The following DPP6 variants were observed in gnomAD, a reference collection of about 807,000 sequenced individuals.
DPP6 encodes dipeptidyl peptidase like 6.
A neutral mutation model predicts 122.6 loss-of-function variants in DPP6; 69 were observed. That is an observed-to-expected ratio of 0.56 (90% CI 0.46 to 0.69). DPP6 has a LOEUF of 0.69. Ranked by LOEUF, DPP6 falls within the 30% of genes least tolerant of loss-of-function variation. The pLI, the probability that DPP6 is intolerant of heterozygous loss-of-function variation, is 0.00. For missense variants in DPP6, 928 were observed against 1,116.9 expected (o/e 0.83, Z 2.41); for synonymous variants, 418 against 433.1 (o/e 0.97, Z 0.43).
At chr7:154,596,340 A>C (rs1833089081) in intron 5 of DPP6, among the ~76,000 whole-genome samples, 1 of 152,162 alleles carries the variant, frequency 6.6e-6, no homozygotes, top group Non-Finnish European at 1.5e-5. Flanking sequence ...GGGGGCTCTG[A>C]GGGATGGAGA....
At chr7:154,621,585 T>G (rs1834671766) in intron 5 of DPP6, among the ~76,000 whole-genome samples, 1 of 152,198 alleles carries the variant, frequency 6.6e-6, no homozygotes, top group South Asian at 2.1e-4. Context: ...CAGGCTGGTC[T>G]TGAACCCCTG....
At chr7:154,719,546 A>G (rs1019120688) in intron 7 of DPP6, among the ~76,000 whole-genome samples, 1 of 151,982 alleles carries the variant, frequency 6.6e-6, no homozygotes, top group African/African-American at 2.4e-5. Context: ...CATGTGACTC[A>G]CTCTGCTGAG....
At chr7:154,879,632 A>G (rs1025319719) in intron 20 of DPP6, among the ~76,000 whole-genome samples, 4 of 151,326 alleles carry the variant, frequency 2.6e-5, no homozygotes, top group Admixed American at 6.6e-5. Context: ...GCCAGGTGTA[A>G]TCCCAGCTAC....
intron 1 of DPP6, chr7:154,058,503 C>T (rs1435922700): frequency 1.5e-5 from 2 of 130,460 alleles, no homozygotes; most frequent in African/African-American, 3.0e-5. Context: ...CTCCGCGAGG[C>T]AGGGACTGAG....
intron 1 of DPP6, among the ~76,000 whole-genome samples, chr7:154,031,334 C>G (rs1799217792): frequency 6.7e-6 from 1 of 149,218 alleles, no homozygotes; most frequent in Non-Finnish European, 1.5e-5. Context: ...ATCTCAGACT[C>G]TAAAGCAAGG....
At chr7:154,267,035 A>G (rs1379008258) in intron 1 of DPP6, among the ~76,000 whole-genome samples, 1 of 152,114 alleles carries the variant, frequency 6.6e-6, no homozygotes, top group Non-Finnish European at 1.5e-5. Context: ...TTTCTTTTAT[A>G]TACTTAAACC....
In DPP6 at chr7:154,542,146, G is replaced by A. The variant is rs555202048; in HGVS notation, c.552+1520G>A. ...ACTGCAGGCGTAAGGGAGGCCTCACGCTGTTGGATGATGGCATAGTTCCAA... is the reference window on the plus strand; with the variant it reads ...ACTGCAGGCGTAAGGGAGGCCTCACACTGTTGGATGATGGCATAGTTCCAA... On this transcript the variant is annotated intron_variant, in intron 4 of 25. Transcript: ENST00000377770. Among the ~76,000 whole-genome samples the A allele has an allele frequency of 5.3e-5, 8 of 152,238 alleles. 1 individual carries two copies. In the South Asian group the frequency reaches 1.0e-3, roughly 20 times the overall value.
chr7:154,330,967 A>G (rs12531152), intron 1 of DPP6, among the ~76,000 whole-genome samples: 100,875 of 152,052 alleles, frequency 0.66, 33,545 homozygotes, highest in East Asian at 0.75. Context: ...CCCTCAAGAC[A>G]ATGAGAAGCT....
At chr7:153,947,531 TTAA>T (rs1255016142) in intron 1 of DPP6, among the ~76,000 whole-genome samples, 5 of 152,178 alleles carry the variant, frequency 3.3e-5, no homozygotes, top group Admixed American at 1.3e-4. Flanking sequence ...ACAGATTTAC[TTAA>T]TAAGTCCCAT....
intron 1 of DPP6, among the ~76,000 whole-genome samples, chr7:154,181,046 T>A (rs1465992903): frequency 6.6e-6 from 1 of 152,188 alleles, no homozygotes; most frequent in Non-Finnish European, 1.5e-5. Flanking sequence ...CCTGTAGCTA[T>A]CTGTGTTGCT....
In DPP6 at chr7:154,727,883, T is replaced by C. The variant is rs751472318; in HGVS notation, c.879T>C (p.Tyr293=). 5.0e-5 allele frequency: 80 copies of C among 1,611,868 alleles called. No homozygotes were observed. Among genetic ancestry groups the C allele is most frequent in the Non-Finnish European group, 6.8e-5 (80 of 1,179,020 alleles). Reference sequence around the variant, plus strand: ...ACAATGGCCTCAGTGACTGGCTGTATGAAGGTAAGATGTGCACAGAGAGAA... The same window carrying C: ...ACAATGGCCTCAGTGACTGGCTGTACGAAGGTAAGATGTGCACAGAGAGAA... ...VIYNGLSDWL[Y]EEEILKTHIA... is the part of the protein sequence containing the mutation. Residue 293 remains tyrosine (Y), a synonymous_variant, in exon 8 of 26, where the codon TAT becomes TAC. Coordinates refer to ENST00000377770, the MANE Select transcript of DPP6 (RefSeq NM_130797.4).
At chr7:154,463,291 T>C (rs1395959069) in intron 2 of DPP6, among the ~76,000 whole-genome samples, 6 of 136,330 alleles carry the variant, frequency 4.4e-5, no homozygotes, top group Non-Finnish European at 7.7e-5. Flanking sequence ...CACTGCAAGC[T>C]CCGCCTCCCG....
intron 1 of DPP6, among the ~76,000 whole-genome samples, chr7:154,045,064 A>G (rs535520701): frequency 6.6e-6 from 1 of 152,248 alleles, no homozygotes; most frequent in South Asian, 2.1e-4. Flanking sequence ...TGCTTTGACA[A>G]TTCCCTTTTG....
chr7:154,473,159 A>C (rs1263799179), intron 2 of DPP6, among the ~76,000 whole-genome samples: 1 of 152,202 alleles, frequency 6.6e-6, no homozygotes, highest in African/African-American at 2.4e-5. Flanking sequence ...ATGTCTCAGG[A>C]AGTTTTAGAC....
chr7:154,263,961 A>T (rs1270700858), intron 1 of DPP6, among the ~76,000 whole-genome samples: 1 of 152,112 alleles, frequency 6.6e-6, no homozygotes, highest in Non-Finnish European at 1.5e-5. Context: ...AAAGTGCTGA[A>T]ATTATAGGCG....
chr7:154,577,785 C>G (rs902157061), intron 5 of DPP6, among the ~76,000 whole-genome samples: 18 of 152,296 alleles, frequency 1.2e-4, no homozygotes, highest in African/African-American at 4.1e-4. Flanking sequence ...TCAATTCCGA[C>G]GTAGCTGGCC....
At chr7:154,371,378 CAAAAAAAAAAAAA>C (rs1167770083) in intron 1 of DPP6, among the ~76,000 whole-genome samples, 2 of 47,714 alleles carry the variant, frequency 4.2e-5, no homozygotes, top group Admixed American at 3.3e-4. Flanking sequence ...AACTCTGTCT[CAAAAAAAAAAAAA>C]AAAAAAAAAA....
chr7:153,805,269 A>C, the DPP6 span, among the ~76,000 whole-genome samples: 1 of 152,326 alleles, frequency 6.6e-6, no homozygotes, highest in Middle Eastern at 3.4e-3. Flanking sequence ...AATATAGTAT[A>C]TGACTGATGT....
chr7:154,199,352 C>T (rs1000093334), intron 1 of DPP6, among the ~76,000 whole-genome samples: 15 of 152,228 alleles, frequency 9.9e-5, no homozygotes, highest in African/African-American at 3.1e-4. Context: ...CTGTTTCATC[C>T]GGGTTCTTTT....
Sources: allele counts gnomAD v4.1 joint callset (sites outside exome capture counted in the v4.1 genomes callset), GRCh38; gene constraint gnomAD v4.1.1; transcripts MANE v1.5; gene names NCBI Gene and HGNC (gene_info 2026-07-23, HGNC 2026-07-21).